Variants in CCDC175 observed in about 807,000 individuals in gnomAD.
CCDC175 encodes coiled-coil domain containing 175.
In CCDC175, 100 loss-of-function variants were observed where a neutral mutation model predicts 114.6. The ratio of observed to expected loss-of-function variants is 0.87; its 90% CI spans 0.74 to 1.03. The LOEUF (loss-of-function observed/expected upper bound fraction) is 1.03. Among genes scored for constraint, CCDC175 ranks in the 50% least tolerant of loss-of-function variants. The pLI, the probability that CCDC175 is intolerant of heterozygous loss-of-function variation, is 0.00. For synonymous variants in CCDC175, 306 were observed against 308.7 expected (o/e 0.99, Z 0.09); for missense variants, 880 against 917.8 (o/e 0.96, Z 0.53).
chr14:59,558,178 G>C (rs1054054474), intron 7 of CCDC175, among the ~76,000 whole-genome samples: 8 of 152,100 alleles, frequency 5.3e-5, no homozygotes, highest in African/African-American at 1.9e-4. Context: ...GTGTGTTCGA[G>C]GAAGAAGGAT....
chr14:59,565,399 T>C, intron 4 of CCDC175, 124 bp from the exon 5 acceptor site: 3 of 825,904 alleles, frequency 3.6e-6, no homozygotes, highest in Non-Finnish European at 5.5e-6. Flanking sequence ...TGACTGTGTT[T>C]ATGATTGTCT....
intron 12 of CCDC175, 55 bp downstream of exon 12, chr14:59,538,650 G>A: frequency 1.5e-6 from 2 of 1,327,440 alleles, no homozygotes; most frequent in South Asian, 1.5e-5. Flanking sequence ...TATTAAAGGA[G>A]AATTGCTGAT....
At position 59,560,068 on chromosome 14, in the gene CCDC175, A is replaced by G. The variant is rs1021478550; in HGVS notation, c.953+1051T>C. Reference sequence around the variant, plus strand: ...TAAACTAATACTATTGAATCACAAAATAAAAGAGTTTTTTTGAGTTTTAGT... The same window carrying G: ...TAAACTAATACTATTGAATCACAAAGTAAAAGAGTTTTTTTGAGTTTTAGT... On this transcript the variant is annotated intron_variant, in intron 7 of 19. Coordinates refer to ENST00000537690, the MANE Select transcript of CCDC175 (RefSeq NM_001164399.2). Among the ~76,000 whole-genome samples the G allele has an allele frequency of 9.9e-5, 15 of 152,260 alleles. 1 individual carries two copies. Among genetic ancestry groups the G allele is most frequent in the Admixed American group, 8.5e-4 (13 of 15,278 alleles).
At chr14:59,513,062 G>T (rs1447351663) in intron 17 of CCDC175, among the ~76,000 whole-genome samples, 2 of 152,156 alleles carry the variant, frequency 1.3e-5, no homozygotes, top group Admixed American at 1.3e-4. Flanking sequence ...AGTTGCTAGG[G>T]TAATACAATG....
intron 17 of CCDC175, among the ~76,000 whole-genome samples, chr14:59,520,003 C>T (rs1183256984): frequency 6.6e-6 from 1 of 152,218 alleles, no homozygotes; most frequent in Non-Finnish European, 1.5e-5. Flanking sequence ...GATTTCAGTT[C>T]CCGGCTGTTG....
intron 13 of CCDC175, among the ~76,000 whole-genome samples, chr14:59,537,631 T>C (rs1291673084): frequency 6.6e-6 from 1 of 152,118 alleles, no homozygotes; most frequent in Admixed American, 6.6e-5. Context: ...CCCTGTTCTA[T>C]CTCAGGTTGG....
intron 17 of CCDC175, among the ~76,000 whole-genome samples, chr14:59,513,181 G>C (rs920315289): frequency 3.9e-5 from 6 of 152,162 alleles, no homozygotes; most frequent in South Asian, 2.1e-4. Flanking sequence ...TTCACTTGAG[G>C]GGGGTGGAGC....
chr14:59,519,126 C>T (rs972388484), intron 17 of CCDC175, among the ~76,000 whole-genome samples: 34 of 152,066 alleles, frequency 2.2e-4, no homozygotes, highest in African/African-American at 8.2e-4. Flanking sequence ...AATGAGAACA[C>T]TTGGACACAG....
intron 19 of CCDC175, among the ~76,000 whole-genome samples, chr14:59,507,146 TCTGACAAGC>T (rs1240322192): frequency 1.3e-5 from 2 of 152,218 alleles, no homozygotes; most frequent in Non-Finnish European, 2.9e-5. Flanking sequence ...CCTTTAATGT[TCTGACAAGC>T]CTATTCCACA....
In CCDC175 at chr14:59,531,880, T is replaced by C. The variant is rs931423886; in HGVS notation, c.1654A>G (p.Lys552Glu). 1.6e-6 allele frequency: 2 copies of C among 1,246,504 alleles called. No individual in the cohort carries two copies. The highest frequency in any genetic ancestry group is 3.0e-5 in the African/African-American group (2 of 66,662). The allele number at this position is 1,246,504 out of a possible 1,614,324, so 77.2% of individuals were successfully genotyped here. The change falls in exon 14 of 20, where the codon AAA becomes GAA. Residue 552 changes from lysine (K) to glutamate (E), a missense_variant. By Grantham distance (56) the Lys-to-Glu change is moderately conservative. Transcript: ENST00000537690. ...EIFVKETQINKEKEEELVEYL... is the reference protein window; with the variant it reads ...EIFVKETQINEEKEEELVEYL... ...TCAACTAGTTCTTCTTCCTTTTCTTTGTTAATTTGTGTTTCCTTAACAAAT... is the reference window on the plus strand; with the variant it reads ...TCAACTAGTTCTTCTTCCTTTTCTTCGTTAATTTGTGTTTCCTTAACAAAT...
At chr14:59,541,576 G>A (rs1894791107) in intron 10 of CCDC175, among the ~76,000 whole-genome samples, 1 of 152,170 alleles carries the variant, frequency 6.6e-6, no homozygotes, top group Non-Finnish European at 1.5e-5. Flanking sequence ...GTTTGAAACT[G>A]TAGTATGGAC....
chr14:59,574,877 G>T, intron 2 of CCDC175, 66 bp downstream of exon 2: 1 of 835,164 alleles, frequency 1.2e-6, no homozygotes, highest in Non-Finnish European at 1.9e-6. Context: ...CAGAATTGGT[G>T]CGAAATGAAA....
chr14:59,552,355 C>T (rs954221370), intron 7 of CCDC175, among the ~76,000 whole-genome samples: 2 of 152,244 alleles, frequency 1.3e-5, no homozygotes, highest in Admixed American at 6.5e-5. Context: ...CCCAGGCAAA[C>T]AGGGTCTGGA....
intron 3 of CCDC175, among the ~76,000 whole-genome samples, chr14:59,571,761 C>G (rs1316953109): frequency 6.6e-6 from 1 of 151,712 alleles, no homozygotes; most frequent in Admixed American, 6.6e-5. Flanking sequence ...AGATCTGACC[C>G]CAGTAAAAAA....
intron 7 of CCDC175, among the ~76,000 whole-genome samples, chr14:59,558,514 T>C (rs536328703): frequency 1.3e-5 from 2 of 152,232 alleles, no homozygotes; most frequent in African/African-American, 4.8e-5. Flanking sequence ...TGGATTTGGC[T>C]GGAGTAAGAG....
chr14:59,505,900 C>T (rs979221323), intron 19 of CCDC175, among the ~76,000 whole-genome samples: 4 of 152,046 alleles, frequency 2.6e-5, no homozygotes, highest in Non-Finnish European at 4.4e-5. Flanking sequence ...AGAAGTGTTT[C>T]GAATTTCGGG....
chr14:59,555,608 T>C (rs916077132), intron 7 of CCDC175, among the ~76,000 whole-genome samples: 5 of 152,184 alleles, frequency 3.3e-5, no homozygotes, highest in African/African-American at 1.2e-4. Flanking sequence ...TTGGAAGTTC[T>C]AGCCAGGGCA....
chr14:59,563,602 A>T, intron 6 of CCDC175, 135 bp downstream of exon 6: 1 of 506,256 alleles, frequency 2.0e-6, no homozygotes, highest in Non-Finnish European at 3.0e-6. Context: ...ATAACGCTTT[A>T]AAGAAAGTGT....
At position 59,527,096 on chromosome 14, in the gene CCDC175, AT is replaced by A. The variant is rs1216045512; in HGVS notation, c.1840del (p.Met614TrpfsTer4). 2.1e-6 allele frequency: 3 copies of A among 1,404,222 alleles called. No homozygotes were observed. The highest frequency in any genetic ancestry group is 2.8e-6 in the Non-Finnish European group (3 of 1,059,950). The allele number at this position is 1,404,222 out of a possible 1,614,324, so 87.0% of individuals were successfully genotyped here. On this transcript the variant is annotated frameshift_variant and splice_region_variant, in exon 15 of 20. Coordinates refer to ENST00000537690, the MANE Select transcript of CCDC175 (RefSeq NM_001164399.2). LOFTEE classifies it high-confidence loss of function. ...AGAATTAATGCATTGATCTTTTACC[AT>A]GTTGCTAATGTATCTTGAAAAGTCC... The part of the protein sequence containing the change: ...TRDFSRYISN[M>X]EDVKQELQQL...
Sources: allele counts gnomAD v4.1 joint callset (sites outside exome capture counted in the v4.1 genomes callset), GRCh38; gene constraint gnomAD v4.1.1; transcripts MANE v1.5; gene names NCBI Gene and HGNC (gene_info 2026-07-23, HGNC 2026-07-21).